The following MEGF6 variants were observed in gnomAD, a reference collection of about 807,000 sequenced individuals.
MEGF6 encodes multiple epidermal growth factor-like domains protein 6.
In MEGF6, 184 loss-of-function variants were observed where a neutral mutation model predicts 207.1. The observed-to-expected ratio is 0.89, with a 90% confidence interval of 0.79 to 1.00. The LOEUF is 1.00. Ranked by LOEUF, MEGF6 falls within the 50% of genes least tolerant of loss-of-function variation. The pLI is 0.00. For missense variants in MEGF6, 2,282 were observed against 2,202.9 expected, an observed-to-expected ratio of 1.04 and a Z score of -0.72; for synonymous variants, 1,038 against 910.0, an observed-to-expected ratio of 1.14 and a Z score of -2.53.
intron 4 of MEGF6, among the ~76,000 whole-genome samples, chr1:3,541,064 A>G (rs939180449): frequency 7.2e-5 from 11 of 152,304 alleles, no homozygotes; most frequent in South Asian, 6.2e-4. Flanking sequence ...GGGTGGGGCC[A>G]GGCGCAGGCT....
Position 3,582,978 on chromosome 1 carries a change from C to T in MEGF6, c.377-3049G>A, listed in dbSNP as rs181529572. Among the ~76,000 whole-genome samples, 70 of 152,262 alleles carry T rather than the reference C, an allele frequency of 4.6e-4. 1 individual carries two copies. The highest frequency in any genetic ancestry group is 4.8e-4 in the African/African-American group (20 of 41,542). ...CGCTGTCACGCACCCAGTTCCGACACGCAGGTGCACCAGCAAGCTTGTTGA... is the reference window on the plus strand; with the variant it reads ...CGCTGTCACGCACCCAGTTCCGACATGCAGGTGCACCAGCAAGCTTGTTGA... On this transcript the variant is annotated intron_variant, in intron 3 of 36. Transcript: ENST00000356575.
In MEGF6 at chr1:3,531,849, G is replaced by GCCGCGGGGCGGGGGAGGGGGA. The variant is rs1553197687; in HGVS notation, c.482-7604_482-7603insTCCCCCTCCCCCGCCCCGCGG. On this transcript the variant is annotated intron_variant, in intron 4 of 36. Coordinates refer to ENST00000356575, the MANE Select transcript of MEGF6 (RefSeq NM_001409.4). ...GGGGGCCGCGGGGCGGGGGAGGGGG[G>GCCGCGGGGCGGGGGAGGGGGA]CCTGCAGAGGCGGCTGGTGGGGCTG... is the stretch of plus-strand genomic sequence containing the variant. 2.5e-3 allele frequency among the ~76,000 whole-genome samples: 377 copies of GCCGCGGGGCGGGGGAGGGGGA among 151,664 alleles called. 10 individuals are homozygous for GCCGCGGGGCGGGGGAGGGGGA. The highest frequency in any genetic ancestry group is 7.8e-3 in the African/African-American group (321 of 41,354).
chr1:3,561,177 G>C lies in MEGF6; in HGVS notation c.481+18648C>G, dbSNP rs141913978. ...CACGCAGACCTGAGGCTGATGGAAG[G>C]GGGAGATGCAGGCTTTGAGCTGAGC... On this transcript the variant is annotated intron_variant, in intron 4 of 36. Coordinates refer to ENST00000356575, the MANE Select transcript of MEGF6 (RefSeq NM_001409.4). Among the ~76,000 whole-genome samples the C allele has an allele frequency of 5.0e-3, 758 of 152,310 alleles. 3 individuals are homozygous for C. The highest frequency in any genetic ancestry group is 0.017 in the African/African-American group (715 of 41,576).
the MEGF6 span, among the ~76,000 whole-genome samples, chr1:3,622,000 C>T: frequency 6.6e-6 from 1 of 152,206 alleles, no homozygotes; most frequent in Non-Finnish European, 1.5e-5. Flanking sequence ...TTTGATTTTA[C>T]AGGTTCATAG....
At chr1:3,585,724 C>T (rs1643884303) in intron 3 of MEGF6, among the ~76,000 whole-genome samples, 1 of 133,500 alleles carries the variant, frequency 7.5e-6, no homozygotes, top group Non-Finnish European at 1.5e-5. Flanking sequence ...TGTGAGGACG[C>T]ATGTCCTGTG....
chr1:3,602,679 G>A, intron 1 of MEGF6, 79 bp from the exon 2 acceptor site: 1 of 1,522,570 alleles, frequency 6.6e-7, no homozygotes. Flanking sequence ...CCCCAGCCTT[G>A]GGTGTCAGCT....
At chr1:3,615,566 C>T (rs900912303), upstream of MEGF6, among the ~76,000 whole-genome samples, 4 of 152,234 alleles carry the variant, frequency 2.6e-5, no homozygotes, top group African/African-American at 7.2e-5. Flanking sequence ...AGTACAGACC[C>T]GGTGAGTCAT....
intron 4 of MEGF6, among the ~76,000 whole-genome samples, chr1:3,535,586 C>G (rs1011540543): frequency 1.3e-5 from 2 of 152,100 alleles, no homozygotes; most frequent in African/African-American, 4.8e-5. Context: ...CCATGCCCAC[C>G]CGCCCACCTC....
At chr1:3,516,215 T>C (rs1641536467) in intron 5 of MEGF6, among the ~76,000 whole-genome samples, 1 of 152,182 alleles carries the variant, frequency 6.6e-6, no homozygotes, top group Non-Finnish European at 1.5e-5. Context: ...CGTGGATGGA[T>C]GGGGCTGTGC....
At chr1:3,623,777 C>T in the MEGF6 span, among the ~76,000 whole-genome samples, 6 of 152,222 alleles carry the variant, frequency 3.9e-5, no homozygotes, top group African/African-American at 7.2e-5. Context: ...TGCACTCCAC[C>T]ATTCTTGGGC....
At chr1:3,583,340 G>A (rs796282924) in intron 3 of MEGF6, among the ~76,000 whole-genome samples, 2 of 90,082 alleles carry the variant, frequency 2.2e-5, no homozygotes, top group African/African-American at 6.3e-5. Flanking sequence ...ACCAGACAAC[G>A]CGCAGCCACC....
At position 3,510,008 on chromosome 1, in the gene MEGF6, G is replaced by C; in HGVS notation, c.1235-16C>G. 6 of 1,578,564 alleles carry C rather than the reference G, an allele frequency of 3.8e-6. No individual in the cohort carries two copies. Among genetic ancestry groups the C allele is most frequent in the Non-Finnish European group, 5.1e-6 (6 of 1,170,152 alleles). Reference sequence around the variant, plus strand: ...TCATCCACATCTGCGGGCGACCCGGGACCACTGAGGCCTGTGCTCCCAGGT... The same window carrying C: ...TCATCCACATCTGCGGGCGACCCGGCACCACTGAGGCCTGTGCTCCCAGGT... On this transcript the variant is annotated splice_polypyrimidine_tract_variant and intron_variant, in intron 10 of 36. Transcript: ENST00000356575.
At chr1:3,599,255 T>C (rs1644122056) in intron 2 of MEGF6, among the ~76,000 whole-genome samples, 1 of 152,190 alleles carries the variant, frequency 6.6e-6, no homozygotes. Context: ...CTGGGTCTCA[T>C]CCAGCCTGCT....
At chr1:3,574,043 G>A (rs182223748) in intron 4 of MEGF6, among the ~76,000 whole-genome samples, 3 of 151,752 alleles carry the variant, frequency 2.0e-5, no homozygotes, top group South Asian at 2.1e-4. Context: ...GCCCACACCC[G>A]AGAGGCCCAC....
At chr1:3,545,127 G>A (rs1642660246) in intron 4 of MEGF6, among the ~76,000 whole-genome samples, 1 of 152,188 alleles carries the variant, frequency 6.6e-6, no homozygotes, top group Non-Finnish European at 1.5e-5. Flanking sequence ...GAGTTTCAGG[G>A]GCCGGGGAAG....
At chr1:3,549,257 G>A (rs992235207) in intron 4 of MEGF6, among the ~76,000 whole-genome samples, 3 of 152,172 alleles carry the variant, frequency 2.0e-5, no homozygotes, top group Non-Finnish European at 4.4e-5. Context: ...AGGTGGACCG[G>A]CCACCAGGAG....
intron 18 of MEGF6, 87 bp from the exon 19 acceptor site, chr1:3,501,395 C>A: frequency 6.7e-7 from 1 of 1,487,664 alleles, no homozygotes; most frequent in African/African-American, 1.4e-5. Context: ...CCTGGAGCCA[C>A]GGCCGAGGAG....
At chr1:3,506,283 C>T (rs202008134) in intron 14 of MEGF6, 47 bp from the exon 15 acceptor site, 11 of 1,592,904 alleles carry the variant, frequency 6.9e-6, no homozygotes, top group African/African-American at 6.7e-5. Flanking sequence ...AGCCAGCCTA[C>T]CACATGTGGT....
chr1:3,515,256 T>C lies in MEGF6; in HGVS notation c.730+146A>G, dbSNP rs1641501128. The C allele has an allele frequency of 4.0e-6, 4 of 998,684 alleles. No individual in the cohort carries two copies. The East Asian group carries it at 1.1e-4, about 27-fold the overall frequency. 61.9% of individuals were successfully genotyped at this position (998,684 alleles called of 1,614,324 possible). The stretch of plus-strand genomic sequence containing the variant: ...AAGTGAGGTGGCCCCCATCCTGAGC[T>C]TCCTGGCCCCAAATGTGCCATCCCT... On this transcript the variant is annotated intron_variant, in intron 6 of 36. Coordinates refer to ENST00000356575, the MANE Select transcript of MEGF6 (RefSeq NM_001409.4).
Sources: allele counts gnomAD v4.1 joint callset (sites outside exome capture counted in the v4.1 genomes callset), GRCh38; gene constraint gnomAD v4.1.1; transcripts MANE v1.5; gene names NCBI Gene and HGNC (gene_info 2026-07-23, HGNC 2026-07-21).